Variants in VWA8 observed in about 807,000 individuals in gnomAD.
The protein encoded by VWA8 is von Willebrand factor A domain-containing protein 8.
VWA8 carries 221 observed loss-of-function variants against 241.5 expected under a neutral mutation model. The observed-to-expected ratio is 0.91, with a 90% confidence interval of 0.82 to 1.02. The LOEUF is 1.02. VWA8 is among the 50% of genes least tolerant of loss of function. VWA8 has a pLI of 0.00. For missense variants in VWA8, 2,322 were observed against 2,328.7 expected, an observed-to-expected ratio of 1.00 and a Z score of 0.06; for synonymous variants, 852 against 827.1, an observed-to-expected ratio of 1.03 and a Z score of -0.52.
Position 41,761,081 on chromosome 13 carries a change from A to G in VWA8, c.2426+47T>C, listed in dbSNP as rs766805601. 5 of 1,573,108 alleles carry G rather than the reference A, an allele frequency of 3.2e-6. No individual in the cohort carries two copies. In the Middle Eastern group the frequency reaches 6.8e-4, roughly 214 times the overall value. On this transcript the variant is annotated intron_variant, in intron 21 of 44. Coordinates refer to ENST00000379310, the MANE Select transcript of VWA8 (RefSeq NM_015058.2). ...TTTAAATTGTACCAGGAGGGAAACA[A>G]ATGATTAAATGAGATTTTTAAGAGG...
At chr13:41,863,413 GTGTGTGTGTGTGTGTGTGTGTATA>G (rs1313469330) in intron 12 of VWA8, among the ~76,000 whole-genome samples, 1 of 73,262 alleles carries the variant, frequency 1.4e-5, no homozygotes, top group Non-Finnish European at 2.8e-5. Context: ...GTGTGTGTGT[GTGTGTGTGTGTGTGTGTGTGTATA>G]TATATATATA....
chr13:41,937,690 T>C (rs528503283), intron 2 of VWA8, among the ~76,000 whole-genome samples: 1 of 152,264 alleles, frequency 6.6e-6, no homozygotes, highest in East Asian at 1.9e-4. Context: ...ACTGTGATGT[T>C]ACAAGGATCA....
At chr13:41,645,997 G>A (rs1335172289) in intron 37 of VWA8, among the ~76,000 whole-genome samples, 8 of 117,214 alleles carry the variant, frequency 6.8e-5, no homozygotes, top group Admixed American at 2.8e-4. Context: ...ACGGAGTTTT[G>A]CTCTTGTTGC....
chr13:41,891,349 T>G, intron 5 of VWA8, 71 bp downstream of exon 5: 1 of 1,576,704 alleles, frequency 6.3e-7, no homozygotes, highest in Admixed American at 1.7e-5. Flanking sequence ...CAGAGCCATG[T>G]CTTACACAAT....
intron 43 of VWA8, among the ~76,000 whole-genome samples, chr13:41,572,787 C>G (rs2044316547): frequency 1.1e-5 from 1 of 89,336 alleles, no homozygotes; most frequent in African/African-American, 4.6e-5. Context: ...CAAGAATGAT[C>G]AATAAATACT....
At chr13:41,621,953 T>A (rs1353234699) in intron 37 of VWA8, among the ~76,000 whole-genome samples, 2 of 152,062 alleles carry the variant, frequency 1.3e-5, no homozygotes, top group Non-Finnish European at 2.9e-5. Context: ...CAACCCCAAA[T>A]AGGAGCCCAG....
intron 1 of VWA8, among the ~76,000 whole-genome samples, chr13:41,956,852 T>C (rs192351357): frequency 6.8e-4 from 104 of 152,316 alleles, no homozygotes; most frequent in African/African-American, 2.3e-3. Flanking sequence ...TCATGTACAA[T>C]GATATTTATT....
chr13:41,758,114 G>C (rs1271699671), intron 21 of VWA8, among the ~76,000 whole-genome samples: 1 of 150,936 alleles, frequency 6.6e-6, no homozygotes, highest in African/African-American at 2.4e-5. Flanking sequence ...GAAGATAAGG[G>C]GAAGAATTTA....
chr13:41,919,309 T>C lies in VWA8; in HGVS notation c.242-7141A>G, dbSNP rs530183748. Among the ~76,000 whole-genome samples, 12 of 152,304 alleles carry C rather than the reference T, an allele frequency of 7.9e-5. No individual in the cohort carries two copies. The South Asian group carries it at 2.3e-3, about 29-fold the overall frequency. On this transcript the variant is annotated intron_variant, in intron 2 of 44. Transcript: ENST00000379310. ...ACACTACCAGCTCGCATCACTACTA[T>C]GGATACCTGCAGTCTTTGCTACCAG... is the stretch of plus-strand genomic sequence containing the variant.
chr13:41,922,859 T>C lies in VWA8; in HGVS notation c.242-10691A>G, dbSNP rs140985961. On this transcript the variant is annotated intron_variant, in intron 2 of 44. Transcript: ENST00000379310. ...GTGGGATTGTAAACTAGTTCAACCATTGTGGAAGACAGTGTGGTGATTCCT... is the reference window on the plus strand; with the variant it reads ...GTGGGATTGTAAACTAGTTCAACCACTGTGGAAGACAGTGTGGTGATTCCT... 2.9e-3 allele frequency among the ~76,000 whole-genome samples: 444 copies of C among 152,328 alleles called. 3 individuals are homozygous for C. The highest frequency in any genetic ancestry group is 0.01 in the African/African-American group (427 of 41,564).
chr13:41,573,418 AAAAC>A lies in VWA8; in HGVS notation c.5370+2318_5370+2321del, dbSNP rs1555303538. ...GAGCAACGGAGCAAGACTCCATCTC[AAAAC>A]AAACAAAGAATAAGACCTAGTGTTA... On this transcript the variant is annotated intron_variant, in intron 43 of 44. Transcript: ENST00000379310. 1.7e-4 allele frequency among the ~76,000 whole-genome samples: 18 copies of A among 104,312 alleles called. 1 individual carries two copies. The highest frequency in any genetic ancestry group is 2.8e-4 in the African/African-American group (8 of 28,292). The allele number at this position is 104,312 out of a possible 152,430, so 68.4% of individuals were successfully genotyped here. A position where few individuals can be genotyped will look rare whatever the true frequency, so the allele number is the denominator to read the frequency against.
intron 2 of VWA8, among the ~76,000 whole-genome samples, chr13:41,944,896 GA>G (rs756152641): frequency 6.6e-6 from 1 of 152,144 alleles, no homozygotes; most frequent in Non-Finnish European, 1.5e-5. Context: ...CTAACAAGAG[GA>G]CAACCAAAAA....
At chr13:41,781,546 T>G (rs546896384) in intron 19 of VWA8, among the ~76,000 whole-genome samples, 1 of 152,274 alleles carries the variant, frequency 6.6e-6, no homozygotes, top group East Asian at 1.9e-4. Context: ...TATACTTGTG[T>G]GTGTATTTTA....
Position 41,950,004 on chromosome 13 carries a change from A to G in VWA8, c.173T>C (p.Val58Ala). 1 of 1,576,968 alleles carries G rather than the reference A, an allele frequency of 6.3e-7. No individual in the cohort carries two copies. The highest frequency in any genetic ancestry group is 8.6e-7 in the Non-Finnish European group (1 of 1,156,780). Reference protein sequence around the residue: ...AGSGADTGDTVNIGDVSYKLK... With the variant: ...AGSGADTGDTANIGDVSYKLK... ...CTTGTAGGATACATCTCCAATATTA[A>G]CTGTATCACCTAAAAAGAGATTTTA... Residue 58 changes from valine (V) to alanine (A), a missense_variant, in exon 2 of 45, where the codon GTT (valine) becomes GCT (alanine). Val to Ala is a moderately conservative substitution (Grantham distance 64). Transcript: ENST00000379310.
rs190380946 is a variant in VWA8, at chr13:41,600,450, C to T, written c.4986+4718G>A. Among the ~76,000 whole-genome samples, 100 of 152,214 alleles carry T rather than the reference C, an allele frequency of 6.6e-4. 1 individual carries two copies. Among genetic ancestry groups the T allele is most frequent in the Admixed American group, 3.9e-3 (60 of 15,284 alleles). On this transcript the variant is annotated intron_variant, in intron 40 of 44. Transcript: ENST00000379310. ...TTGCTGCTCTCCTGTGACATGTAGA[C>T]GTTCCTTGACTCGGCTGTTCTCACC... is the stretch of plus-strand genomic sequence containing the variant.
At chr13:41,662,654 C>A (rs2044958362) in intron 37 of VWA8, among the ~76,000 whole-genome samples, 1 of 148,684 alleles carries the variant, frequency 6.7e-6, no homozygotes, top group Non-Finnish European at 1.5e-5. Context: ...ATTTATTTTT[C>A]TTTTCTTATT....
At chr13:41,931,521 T>C (rs1179378073) in intron 2 of VWA8, among the ~76,000 whole-genome samples, 2 of 152,020 alleles carry the variant, frequency 1.3e-5, no homozygotes, top group Non-Finnish European at 2.9e-5. Context: ...GTAATAAAAC[T>C]GTACTGTGAA....
chr13:41,568,390 A>C, intron 44 of VWA8, 85 bp from the exon 45 acceptor site: 1 of 1,055,142 alleles, frequency 9.5e-7, no homozygotes, highest in Non-Finnish European at 1.4e-6. Flanking sequence ...CAGCCCCCTA[A>C]TGGTTTCTTA....
intron 2 of VWA8, among the ~76,000 whole-genome samples, chr13:41,945,669 G>A (rs1044627910): frequency 6.6e-6 from 1 of 152,134 alleles, no homozygotes; most frequent in Non-Finnish European, 1.5e-5. Context: ...TGAGCAGGCA[G>A]AGGAAAGAAT....
Sources: allele counts gnomAD v4.1 joint callset (sites outside exome capture counted in the v4.1 genomes callset), GRCh38; gene constraint gnomAD v4.1.1; transcripts MANE v1.5; gene names NCBI Gene and HGNC (gene_info 2026-07-23, HGNC 2026-07-21).